HIBCH: variants seen among roughly 807,000 people sequenced by gnomAD.
HIBCH encodes the protein 3-hydroxyisobutyryl-CoA hydrolase, mitochondrial.
In HIBCH, 50 loss-of-function variants were observed where a neutral mutation model predicts 58.2. The observed-to-expected ratio is 0.86, with a 90% confidence interval of 0.68 to 1.09. HIBCH has a LOEUF of 1.09. Among genes scored for constraint, HIBCH ranks in the 50% least tolerant of loss-of-function variants. HIBCH has a pLI of 0.00. For synonymous variants in HIBCH, 151 were observed against 146.9 expected (o/e 1.03, Z -0.20); for missense variants, 450 against 449.7 (o/e 1.00, Z -0.01).
rs1690030065 is a variant in HIBCH, at chr2:190,197,405, G to A, written c.*18-7408C>T. On this transcript the variant is annotated intron_variant, in intron 1 of 1. Transcript: ENST00000399855. The surrounding 1 kb of genome is among the most constrained non-coding windows in gnomAD (Gnocchi z 4.0). ...ACTGTTCAACTCTTAAGTCCTAGAG[G>A]AAGTAATCGTTTGCTAACACTTTGC... Among the ~76,000 whole-genome samples the A allele has an allele frequency of 6.6e-6, 1 of 152,178 alleles. No homozygotes were observed. Among genetic ancestry groups the A allele is most frequent in the Non-Finnish European group, 1.5e-5 (1 of 68,044 alleles).
At chr2:190,287,197 G>T (rs1270002256) in intron 6 of HIBCH, among the ~76,000 whole-genome samples, 1 of 152,102 alleles carries the variant, frequency 6.6e-6, no homozygotes, top group African/African-American at 2.4e-5. Flanking sequence ...GAGTAGCTGA[G>T]ATCACAGGTG....
At chr2:190,308,887 A>C (rs1246016260) in intron 2 of HIBCH, among the ~76,000 whole-genome samples, 3 of 152,164 alleles carry the variant, frequency 2.0e-5, no homozygotes, top group Non-Finnish European at 2.9e-5. Context: ...GTACAAAGTA[A>C]ATCTATGAAA....
chr2:190,235,867 G>C (rs1318837357), intron 11 of HIBCH, among the ~76,000 whole-genome samples: 1 of 152,130 alleles, frequency 6.6e-6, no homozygotes, highest in Non-Finnish European at 1.5e-5. Flanking sequence ...CATTGTAATT[G>C]TTTATGTGTG....
intron 1 of HIBCH, among the ~76,000 whole-genome samples, chr2:190,312,082 T>C (rs1194900082): frequency 6.6e-6 from 1 of 152,168 alleles, no homozygotes; most frequent in East Asian, 1.9e-4. Flanking sequence ...AAGTGCCTTA[T>C]GTAAATTATA....
At chr2:190,264,223 T>TC (rs1687168656) in intron 6 of HIBCH, among the ~76,000 whole-genome samples, 1 of 151,968 alleles carries the variant, frequency 6.6e-6, no homozygotes, top group South Asian at 2.1e-4. Flanking sequence ...AGTCTACCAT[T>TC]CCCCACTTTC....
At chr2:190,266,764 T>C (rs1687251909) in intron 6 of HIBCH, among the ~76,000 whole-genome samples, 1 of 151,142 alleles carries the variant, frequency 6.6e-6, no homozygotes, top group Non-Finnish European at 1.5e-5. Flanking sequence ...TTTTAATTAA[T>C]TTATATTTTT....
At chr2:190,261,640 T>C (rs57343761) in intron 6 of HIBCH, among the ~76,000 whole-genome samples, 1 of 152,108 alleles carries the variant, frequency 6.6e-6, no homozygotes, top group Non-Finnish European at 1.5e-5. Context: ...TATATAAAAT[T>C]CACACTCTAT....
rs1481768273 is a variant in HIBCH, at chr2:190,206,636, T to C, written c.1046-1404A>G. ...TTTTTCTTCTTCTATAACCACAAAG[T>C]AGTAATTTGTTCTAGATGTTAACAG... On this transcript the variant is annotated intron_variant, in intron 13 of 13. Coordinates refer to ENST00000359678, the MANE Select transcript of HIBCH (RefSeq NM_014362.4). This position sits in a 1 kb window ranked among gnomAD's most constrained non-coding sequence, Gnocchi z 5.1. Among the ~76,000 whole-genome samples the C allele has an allele frequency of 6.6e-6, 1 of 152,184 alleles. No individual in the cohort carries two copies. The highest frequency in any genetic ancestry group is 1.5e-5 in the Non-Finnish European group (1 of 68,030).
intron 2 of HIBCH, among the ~76,000 whole-genome samples, chr2:190,305,604 A>G (rs1688382962): frequency 6.6e-6 from 1 of 152,182 alleles, no homozygotes; most frequent in Non-Finnish European, 1.5e-5. Flanking sequence ...ACTGGGGACT[A>G]GGACTCCAAC....
chr2:190,216,520 G>T lies in HIBCH; in HGVS notation c.892-3445C>A, dbSNP rs1447779214. Among the ~76,000 whole-genome samples the T allele has an allele frequency of 6.6e-6, 1 of 152,152 alleles. No individual in the cohort carries two copies. The highest frequency in any genetic ancestry group is 2.4e-5 in the African/African-American group (1 of 41,420). On this transcript the variant is annotated intron_variant, in intron 11 of 13. Coordinates refer to ENST00000359678, the MANE Select transcript of HIBCH (RefSeq NM_014362.4). The surrounding 1 kb of genome is among the most constrained non-coding windows in gnomAD (Gnocchi z 4.2). ...TGACTACAGGGCCAGTAAATGATGA[G>T]AAGGAGGGCTGCAGGGCTGTGTGGG...
At chr2:190,276,990 T>C (rs771885084) in intron 6 of HIBCH, among the ~76,000 whole-genome samples, 4 of 152,238 alleles carry the variant, frequency 2.6e-5, no homozygotes, top group Non-Finnish European at 5.9e-5. Context: ...TTTTTATTTC[T>C]ATCTTAATTA....
chr2:190,299,617 G>C (rs1040272232), intron 2 of HIBCH, among the ~76,000 whole-genome samples: 3 of 152,028 alleles, frequency 2.0e-5, no homozygotes, highest in Admixed American at 6.6e-5. Context: ...TTCACAGATA[G>C]ATACACATGG....
chr2:190,205,093 A>C lies in HIBCH; in HGVS notation c.*24T>G, dbSNP rs998816082. 2.2e-6 allele frequency: 3 copies of C among 1,372,782 alleles called. No individual in the cohort carries two copies. In the East Asian group the frequency reaches 6.9e-5, roughly 31 times the overall value. 85.0% of individuals were successfully genotyped at this position (1,372,782 alleles called of 1,614,324 possible). ...TGTAGATTGCCAACCCATGCTACAA[A>C]ATATACCTTAAAAGCCTGTCACCTC... On this transcript the variant is annotated 3_prime_UTR_variant, in exon 14 of 14. Transcript: ENST00000359678.
rs536177564 is a variant in HIBCH, at chr2:190,213,592, A to G, written c.892-517T>C. On this transcript the variant is annotated intron_variant, in intron 11 of 13. Coordinates refer to ENST00000359678, the MANE Select transcript of HIBCH (RefSeq NM_014362.4). The stretch of plus-strand genomic sequence containing the variant: ...ACTTAGCTGCCCTCACCCGAACCAA[A>G]GAAGTTTAGCCTAGATACTAGTCTG... 173 of 166,192 alleles carry G rather than the reference A, an allele frequency of 1.0e-3. 2 individuals carry two copies. The highest frequency in any genetic ancestry group is 1.5e-3 in the Non-Finnish European group (118 of 76,770). 10.3% of individuals were successfully genotyped at this position (166,192 alleles called of 1,614,324 possible).
intron 2 of HIBCH, among the ~76,000 whole-genome samples, chr2:190,303,547 G>C (rs291433): frequency 6.6e-6 from 1 of 152,174 alleles, no homozygotes; most frequent in African/African-American, 2.4e-5. Flanking sequence ...AATCAATAAT[G>C]TGATATTAGA....
rs1231543675 is a variant in HIBCH at position 190,206,433 on chromosome 2, C to A, written c.1046-1201G>T. 6.6e-6 allele frequency among the ~76,000 whole-genome samples: 1 copy of A among 152,212 alleles called. No homozygotes were observed. The highest frequency in any genetic ancestry group is 2.4e-5 in the African/African-American group (1 of 41,446). On this transcript the variant is annotated intron_variant, in intron 13 of 13. Coordinates refer to ENST00000359678, the MANE Select transcript of HIBCH (RefSeq NM_014362.4). The surrounding 1 kb of genome is among the most constrained non-coding windows in gnomAD (Gnocchi z 5.1). ...TACTACCTGTCTCCTTGAGATCCCA[C>A]TGAAGGACAAGAGCAAAGAGACTAT... is the stretch of plus-strand genomic sequence containing the variant.
chr2:190,195,472 T>C (rs1689925636), intron 1 of HIBCH, among the ~76,000 whole-genome samples: 2 of 152,230 alleles, frequency 1.3e-5, no homozygotes, highest in African/African-American at 2.4e-5. Flanking sequence ...CTTTTGCCAT[T>C]ATCTCACTGT....
chr2:190,267,550 G>A (rs1265881827), intron 6 of HIBCH, among the ~76,000 whole-genome samples: 1 of 152,028 alleles, frequency 6.6e-6, no homozygotes, highest in Non-Finnish European at 1.5e-5. Context: ...AGTTATTTCA[G>A]ATAGGCAAAG....
intron 2 of HIBCH, among the ~76,000 whole-genome samples, chr2:190,305,284 C>G (rs1487011914): frequency 6.6e-5 from 10 of 152,038 alleles, no homozygotes; most frequent in African/African-American, 2.4e-4. Flanking sequence ...TGAGTCTGAA[C>G]AACACAAACT....
Sources: gnomAD v4.1 joint callset for allele counts (sites outside exome capture counted in the v4.1 genomes callset) on GRCh38, gnomAD v4.1.1 for gene constraint, Gnocchi (gnomAD v3.1) non-coding constraint, MANE v1.5 for transcripts, NCBI Gene and HGNC (gene_info 2026-07-23, HGNC 2026-07-21) for gene names.